The following IL1RAPL1 variants were observed in gnomAD, a reference collection of about 807,000 sequenced individuals.
IL1RAPL1 encodes the protein interleukin 1 receptor accessory protein like 1.
IL1RAPL1 carries 3 observed loss-of-function variants against 48.4 expected under a neutral mutation model. The ratio of observed to expected loss-of-function variants is 0.06; its 90% CI spans 0.03 to 0.16. The LOEUF is 0.16. Ranked by LOEUF, IL1RAPL1 falls within the 10% of genes least tolerant of loss-of-function variation. IL1RAPL1 has a pLI of 1.00. For synonymous variants in IL1RAPL1, 185 were observed against 187.7 expected (o/e 0.99, Z 0.12); for missense variants, 349 against 530.6 (o/e 0.66, Z 3.36).
chrX:28,820,009 T>C lies in IL1RAPL1; in HGVS notation c.82+30584T>C, dbSNP rs58948818. On this transcript the variant is annotated intron_variant, in intron 2 of 10. Transcript: ENST00000378993. ...ATATATATATATATATATATATATA[T>C]ATATACATGTACTGTATCTACAAAT... 4.0e-3 allele frequency among the ~76,000 whole-genome samples: 319 copies of C among 80,311 alleles called. 5 individuals are homozygous for C. The highest frequency in any genetic ancestry group is 0.015 in the African/African-American group (297 of 20,054). The allele number at this position is 80,311 out of a possible 115,157, so 69.7% of individuals were successfully genotyped here. A position where few individuals can be genotyped will look rare whatever the true frequency, so the allele number is the denominator to read the frequency against.
intron 2 of IL1RAPL1, among the ~76,000 whole-genome samples, chrX:28,897,690 C>G (rs182075911): frequency 2.7e-5 from 3 of 111,908 alleles, no homozygotes; most frequent in Non-Finnish European, 5.6e-5. Flanking sequence ...CCCCCCTCCC[C>G]GATCTGAGTC....
chrX:29,268,113 A>G (rs1018568238), intron 2 of IL1RAPL1, among the ~76,000 whole-genome samples: 6 of 111,505 alleles, frequency 5.4e-5, no homozygotes, highest in African/African-American at 9.8e-5. Flanking sequence ...GTGATGTACA[A>G]TAGTTTGCTT....
At chrX:29,698,627 A>T (rs1231376807) in intron 6 of IL1RAPL1, among the ~76,000 whole-genome samples, 1 of 111,237 alleles carries the variant, frequency 9.0e-6, no homozygotes, top group East Asian at 2.8e-4. Flanking sequence ...GGAAGGAAAG[A>T]CAGAAGGAAG....
chrX:29,396,473 A>G (rs769670633), intron 4 of IL1RAPL1, 29 bp downstream of exon 4: 5 of 1,139,415 alleles, frequency 4.4e-6, no homozygotes, highest in Non-Finnish European at 6.0e-6. Flanking sequence ...TCTATTTCCT[A>G]TTAACAAATT....
At chrX:29,605,873 A>G (rs748701211) in intron 5 of IL1RAPL1, among the ~76,000 whole-genome samples, 1 of 112,274 alleles carries the variant, frequency 8.9e-6, no homozygotes, top group African/African-American at 3.2e-5. Flanking sequence ...CCCAACACCT[A>G]GTACAGAGAA....
At chrX:29,347,290 A>T (rs1031610531) in intron 3 of IL1RAPL1, among the ~76,000 whole-genome samples, 1 of 111,194 alleles carries the variant, frequency 9.0e-6, no homozygotes, top group Non-Finnish European at 1.9e-5. Context: ...ACTAGCATGC[A>T]TTTCTTTTTC....
chrX:28,922,330 C>A (rs980387676), intron 2 of IL1RAPL1, among the ~76,000 whole-genome samples: 12 of 112,082 alleles, frequency 1.1e-4, no homozygotes, highest in African/African-American at 3.9e-4. Flanking sequence ...ATGTGAAATT[C>A]TTGTATGCAT....
intron 6 of IL1RAPL1, among the ~76,000 whole-genome samples, chrX:29,874,005 C>T (rs1012371611): frequency 6.2e-5 from 7 of 112,330 alleles, no homozygotes; most frequent in African/African-American, 2.3e-4. Context: ...TGCTATTGCT[C>T]TGCACCATTA....
chrX:28,669,043 T>G (rs752052927), intron 1 of IL1RAPL1, among the ~76,000 whole-genome samples: 2 of 111,762 alleles, frequency 1.8e-5, no homozygotes, highest in South Asian at 7.5e-4. Flanking sequence ...TGCCCTCATC[T>G]GATATGTTGA....
rs142125104 is a variant in IL1RAPL1, at chrX:29,046,775, G to T, written c.83-236163G>T. On this transcript the variant is annotated intron_variant, in intron 2 of 10. Coordinates refer to ENST00000378993, the MANE Select transcript of IL1RAPL1 (RefSeq NM_014271.4). ...TGGCAATTACAGCATCATTGATTTC[G>T]ATTGTCCTAAAATGGAGGAAAACTT... Among the ~76,000 whole-genome samples the T allele has an allele frequency of 3.8e-3, 420 of 111,875 alleles. 7 individuals are homozygous for T. The East Asian group carries it at 0.045, about 12-fold the overall frequency.
chrX:28,693,326 C>T (rs757476208), intron 1 of IL1RAPL1, among the ~76,000 whole-genome samples: 7 of 112,132 alleles, frequency 6.2e-5, no homozygotes, highest in Non-Finnish European at 9.4e-5. Flanking sequence ...AGTAAACAAC[C>T]CTTCACAAGG....
At chrX:29,543,036 G>T (rs1948123343) in intron 5 of IL1RAPL1, among the ~76,000 whole-genome samples, 1 of 110,512 alleles carries the variant, frequency 9.0e-6, no homozygotes, top group Admixed American at 9.6e-5. Flanking sequence ...TCAAATATTG[G>T]CCAGTCTGTC....
intron 1 of IL1RAPL1, among the ~76,000 whole-genome samples, chrX:28,743,742 A>ATTTG (rs1384595876): frequency 1.8e-5 from 2 of 110,348 alleles, no homozygotes; most frequent in Non-Finnish European, 3.8e-5. Context: ...TTGCTTATTT[A>ATTTG]TTTATTTATT....
At chrX:29,568,077 A>T (rs1166153582) in intron 5 of IL1RAPL1, among the ~76,000 whole-genome samples, 2 of 109,117 alleles carry the variant, frequency 1.8e-5, no homozygotes, top group African/African-American at 6.6e-5. Context: ...TTTATGTTGA[A>T]CTAGTAGCAA....
intron 2 of IL1RAPL1, among the ~76,000 whole-genome samples, chrX:29,144,507 G>A (rs1238570639): frequency 9.8e-6 from 1 of 102,386 alleles, no homozygotes; most frequent in East Asian, 3.2e-4. Flanking sequence ...GGAGGCTGAG[G>A]CAGGAGAATC....
chrX:28,647,332 C>A (rs1934624945), intron 1 of IL1RAPL1, among the ~76,000 whole-genome samples: 1 of 111,929 alleles, frequency 8.9e-6, no homozygotes, highest in African/African-American at 3.2e-5. Context: ...CTGCCCCCAA[C>A]CTTAGTTTAC....
intron 5 of IL1RAPL1, among the ~76,000 whole-genome samples, chrX:29,431,230 T>C (rs749986812): frequency 4.5e-5 from 5 of 112,262 alleles, no homozygotes; most frequent in Non-Finnish European, 9.4e-5. Context: ...AAGTCTGACT[T>C]GAATGTGCTC....
At chrX:29,702,744 C>T (rs1479663896) in intron 6 of IL1RAPL1, among the ~76,000 whole-genome samples, 1 of 112,155 alleles carries the variant, frequency 8.9e-6, no homozygotes, top group Non-Finnish European at 1.9e-5. Flanking sequence ...GCAGTTTATC[C>T]CCATTGACTA....
chrX:29,750,129 C>G (rs1928423535), intron 6 of IL1RAPL1, among the ~76,000 whole-genome samples: 1 of 112,140 alleles, frequency 8.9e-6, no homozygotes, highest in Admixed American at 9.5e-5. Flanking sequence ...TTATGTGTCA[C>G]TTTCCCTTTG....
Sources: allele counts gnomAD v4.1 joint callset (sites outside exome capture counted in the v4.1 genomes callset), GRCh38; gene constraint gnomAD v4.1.1; transcripts MANE v1.5; gene names NCBI Gene and HGNC (gene_info 2026-07-23, HGNC 2026-07-21).